The following PCDH9 variants were observed in gnomAD, a reference collection of about 807,000 sequenced individuals.
PCDH9 encodes protocadherin 9, also known as protocadherin-9.
In PCDH9, 24 loss-of-function variants were observed where a neutral mutation model predicts 70.6. The observed-to-expected ratio is 0.34, with a 90% CI of 0.25 to 0.48. The LOEUF (loss-of-function observed/expected upper bound fraction) is 0.48, where lower values mean the gene tolerates loss of function less well. Ranked by LOEUF, PCDH9 falls within the 20% of genes least tolerant of loss-of-function variation. The pLI is 0.99. For synonymous variants in PCDH9, 562 were observed against 558.5 expected (o/e 1.01, Z -0.09); for missense variants, 1,281 against 1,503.6 (o/e 0.85, Z 2.45).
In PCDH9 at chr13:67,027,785, A is replaced by G. The variant is rs1311837990; in HGVS notation, c.3037-124180T>C. The stretch of plus-strand genomic sequence containing the variant: ...ACATGAACAGACACTTCTCAAAAGA[A>G]GACATTTATGCAGCCAAAAGACACA... On this transcript the variant is annotated intron_variant, in intron 2 of 4. Transcript: ENST00000377865. Among the ~76,000 whole-genome samples the G allele has an allele frequency of 4.0e-5, 6 of 151,032 alleles. No homozygotes were observed. In the South Asian group the frequency reaches 1.3e-3, roughly 32 times the overall value.
chr13:66,401,764 A>G lies in PCDH9; in HGVS notation c.3341-96736T>C, dbSNP rs574680828. ...GATTGCATACCCTGCATTCAAGTGTACCTCCTGCCCAACTACTCAGATTGG... is the reference window on the plus strand; with the variant it reads ...GATTGCATACCCTGCATTCAAGTGTGCCTCCTGCCCAACTACTCAGATTGG... On this transcript the variant is annotated intron_variant, in intron 4 of 4. Coordinates refer to ENST00000377865, the MANE Select transcript of PCDH9 (RefSeq NM_203487.3). Among the ~76,000 whole-genome samples the G allele has an allele frequency of 1.8e-4, 22 of 120,310 alleles. 1 individual carries two copies. The East Asian group carries it at 6.2e-3, about 34-fold the overall frequency. The allele number at this position is 120,310 out of a possible 152,430, so 78.9% of individuals were successfully genotyped here.
intron 3 of PCDH9, among the ~76,000 whole-genome samples, chr13:66,825,959 C>G (rs2080817383): frequency 6.6e-6 from 1 of 151,882 alleles, no homozygotes; most frequent in Non-Finnish European, 1.5e-5. Context: ...TACATTAATG[C>G]TTATCTTTAA....
chr13:66,790,432 T>G (rs2080146102), intron 3 of PCDH9, among the ~76,000 whole-genome samples: 1 of 152,092 alleles, frequency 6.6e-6, no homozygotes, highest in Non-Finnish European at 1.5e-5. Flanking sequence ...TCTAATTTTT[T>G]GTAGTTGAAT....
At chr13:66,475,699 C>A (rs969728445) in intron 4 of PCDH9, among the ~76,000 whole-genome samples, 1 of 152,046 alleles carries the variant, frequency 6.6e-6, no homozygotes, top group Non-Finnish European at 1.5e-5. Flanking sequence ...TCAAAATGGT[C>A]TCCTGTCAGA....
chr13:66,501,697 T>C (rs576350098), intron 4 of PCDH9, among the ~76,000 whole-genome samples: 1 of 152,174 alleles, frequency 6.6e-6, no homozygotes, highest in African/African-American at 2.4e-5. Context: ...AGATATCAAG[T>C]AATAGTCATC....
intron 3 of PCDH9, among the ~76,000 whole-genome samples, chr13:66,662,102 T>G (rs1185901625): frequency 2.0e-5 from 3 of 152,050 alleles, no homozygotes; most frequent in Non-Finnish European, 4.4e-5. Flanking sequence ...TAAGAAAGCC[T>G]CAATAACTTT....
intron 4 of PCDH9, among the ~76,000 whole-genome samples, chr13:66,445,613 ATATATACACATATATAT>A (rs1294374992): frequency 0.016 from 2,321 of 143,510 alleles, 48 homozygotes; most frequent in East Asian, 0.052. Context: ...CATATATATT[ATATATACACATATATAT>A]TATATACACA....
intron 3 of PCDH9, among the ~76,000 whole-genome samples, chr13:66,663,951 CT>C (rs2139022900): frequency 6.6e-6 from 1 of 152,304 alleles, no homozygotes; most frequent in Non-Finnish European, 1.5e-5. Context: ...ATTGTAGCTT[CT>C]TGCTTGGCTG....
At chr13:66,867,190 G>GT (rs1460152481) in intron 3 of PCDH9, among the ~76,000 whole-genome samples, 1 of 152,086 alleles carries the variant, frequency 6.6e-6, no homozygotes, top group East Asian at 1.9e-4. Flanking sequence ...CCATTGCAAA[G>GT]TAAGTGTTAC....
chr13:66,728,466 ATTAGTTT>A (rs1410962078), intron 3 of PCDH9, among the ~76,000 whole-genome samples: 2 of 152,104 alleles, frequency 1.3e-5, no homozygotes, highest in Non-Finnish European at 2.9e-5. Context: ...GACCATAATT[ATTAGTTT>A]TAGTGAACCC....
At chr13:66,603,388 T>G (rs2138850479) in intron 4 of PCDH9, among the ~76,000 whole-genome samples, 1 of 152,146 alleles carries the variant, frequency 6.6e-6, no homozygotes, top group Middle Eastern at 3.4e-3. Flanking sequence ...TTGGATACAT[T>G]TAGCATCATC....
At chr13:67,087,934 T>C (rs1594493434) in intron 2 of PCDH9, among the ~76,000 whole-genome samples, 1 of 152,104 alleles carries the variant, frequency 6.6e-6, no homozygotes, top group African/African-American at 2.4e-5. Flanking sequence ...CCGCACCAAA[T>C]TGTAACAGTT....
At chr13:67,158,717 C>T (rs937851351) in intron 2 of PCDH9, among the ~76,000 whole-genome samples, 4 of 152,182 alleles carry the variant, frequency 2.6e-5, no homozygotes, top group African/African-American at 9.7e-5. Flanking sequence ...CTATGATGTT[C>T]TGTTATGGCA....
chr13:67,028,344 C>T (rs1213750464), intron 2 of PCDH9, among the ~76,000 whole-genome samples: 1 of 139,284 alleles, frequency 7.2e-6, no homozygotes, highest in Non-Finnish European at 1.5e-5. Flanking sequence ...CGCATATTCT[C>T]ACTCATAGGT....
At chr13:66,445,565 CGTG>C (rs1464685257) in intron 4 of PCDH9, among the ~76,000 whole-genome samples, 2,645 of 137,174 alleles carry the variant, frequency 0.019, 284 homozygotes, top group African/African-American at 0.069. Context: ...ATAATATATA[CGTG>C]TATATATTAT....
intron 3 of PCDH9, chr13:66,782,891 G>T (rs1167390593): frequency 6.6e-6 from 1 of 152,140 alleles, no homozygotes; most frequent in Non-Finnish European, 1.5e-5. Flanking sequence ...CTAAATTAAT[G>T]ACCCGCTATA....
chr13:67,222,901 T>C (rs1346751439), intron 2 of PCDH9: 2 of 152,302 alleles, frequency 1.3e-5, no homozygotes, highest in East Asian at 1.9e-4. Context: ...TGTCGTTCAT[T>C]CATAGGAAAT....
At chr13:66,377,599 A>C (rs1336018688) in intron 4 of PCDH9, among the ~76,000 whole-genome samples, 1 of 152,220 alleles carries the variant, frequency 6.6e-6, no homozygotes, top group African/African-American at 2.4e-5. Flanking sequence ...GATGCATCCC[A>C]GAGTCTGCTG....
chr13:66,559,585 G>A (rs1402858988), intron 4 of PCDH9, among the ~76,000 whole-genome samples: 2 of 151,846 alleles, frequency 1.3e-5, no homozygotes, highest in African/African-American at 4.8e-5. Flanking sequence ...TGGATCATGA[G>A]GTCATGAGAT....
Sources: allele counts gnomAD v4.1 joint callset (sites outside exome capture counted in the v4.1 genomes callset), GRCh38; gene constraint gnomAD v4.1.1; transcripts MANE v1.5; gene names NCBI Gene and HGNC (gene_info 2026-07-23, HGNC 2026-07-21).